Variants in STK4 observed in about 807,000 individuals in gnomAD.
STK4 encodes serine/threonine kinase 4, also known as serine/threonine-protein kinase 4.
A neutral mutation model predicts 64.9 loss-of-function variants in STK4; 30 were observed. That is an observed-to-expected ratio of 0.46 (90% CI 0.35 to 0.63). The LOEUF (loss-of-function observed/expected upper bound fraction) is 0.63. Ranked by LOEUF, STK4 falls within the 20% of genes least tolerant of loss-of-function variation. STK4 has a pLI of 0.01. For synonymous variants in STK4, 177 were observed against 199.0 expected, an observed-to-expected ratio of 0.89 and a Z score of 0.93; for missense variants, 466 against 598.5, an observed-to-expected ratio of 0.78 and a Z score of 2.31.
chr20:44,986,619 G>A (rs2067534502), intron 4 of STK4, among the ~76,000 whole-genome samples: 1 of 152,204 alleles, frequency 6.6e-6, no homozygotes, highest in African/African-American at 2.4e-5. Context: ...AAGAGCAGAA[G>A]CAAAGAAGCC....
chr20:45,017,956 C>G (rs2068174168), intron 9 of STK4, among the ~76,000 whole-genome samples: 1 of 152,154 alleles, frequency 6.6e-6, no homozygotes. Context: ...CTTATGATTC[C>G]AGCAATTCTT....
chr20:44,976,769 G>A (rs139350070), intron 2 of STK4, among the ~76,000 whole-genome samples: 1 of 152,306 alleles, frequency 6.6e-6, no homozygotes, highest in East Asian at 1.9e-4. Flanking sequence ...TACATCTGGG[G>A]GTGTGAGATT....
At chr20:45,066,866 A>G (rs1019927564) in intron 10 of STK4, among the ~76,000 whole-genome samples, 1 of 152,206 alleles carries the variant, frequency 6.6e-6, no homozygotes, top group African/African-American at 2.4e-5. Flanking sequence ...TTTAAGGAGC[A>G]AGATCTTTTG....
At chr20:45,065,971 T>C (rs1383047602) in intron 10 of STK4, among the ~76,000 whole-genome samples, 1 of 152,072 alleles carries the variant, frequency 6.6e-6, no homozygotes, top group African/African-American at 2.4e-5. Flanking sequence ...TAACCCTTAT[T>C]TTACTTAATA....
chr20:45,025,146 A>G lies in STK4; in HGVS notation c.1305+16A>G, dbSNP rs754062021. On this transcript the variant is annotated intron_variant, in intron 10 of 10. Coordinates refer to ENST00000372806, the MANE Select transcript of STK4 (RefSeq NM_006282.5). ...CTACGAGTTTGTAAGTAGTGTTGGAAGTAAATGGTTATGTCTTCAGGGGAA... is the reference window on the plus strand; with the variant it reads ...CTACGAGTTTGTAAGTAGTGTTGGAGGTAAATGGTTATGTCTTCAGGGGAA... 1.3e-6 allele frequency: 2 copies of G among 1,598,706 alleles called. No homozygotes were observed. Among genetic ancestry groups the G allele is most frequent in the East Asian group, 4.5e-5 (2 of 44,598 alleles).
rs955168414 is a variant in STK4, at chr20:45,026,960, G to A, written c.1305+1830G>A. Among the ~76,000 whole-genome samples the A allele has an allele frequency of 2.0e-5, 3 of 152,242 alleles. No individual in the cohort carries two copies. In the South Asian group the frequency reaches 6.2e-4, roughly 32 times the overall value. Reference sequence around the variant, plus strand: ...ATTGTGCGTCTGTTCCATGTTGCCTGTATAGTTGTCTTCAACATGTGTATA... The same window carrying A: ...ATTGTGCGTCTGTTCCATGTTGCCTATATAGTTGTCTTCAACATGTGTATA... On this transcript the variant is annotated intron_variant, in intron 10 of 10. Transcript: ENST00000372806.
At chr20:45,011,220 A>G (rs114640953) in intron 9 of STK4, among the ~76,000 whole-genome samples, 9 of 152,240 alleles carry the variant, frequency 5.9e-5, no homozygotes, top group Non-Finnish European at 1.2e-4. Context: ...TTGAAGTGAC[A>G]TGAGAGGGTC....
In STK4 at chr20:45,059,756, T is replaced by C. The variant is rs144774615; in HGVS notation, c.1306-15262T>C. Among the ~76,000 whole-genome samples the C allele has an allele frequency of 3.0e-3, 461 of 152,334 alleles. 2 individuals carry two copies. Among genetic ancestry groups the C allele is most frequent in the African/African-American group, 0.011 (439 of 41,580 alleles). On this transcript the variant is annotated intron_variant, in intron 10 of 10. Coordinates refer to ENST00000372806, the MANE Select transcript of STK4 (RefSeq NM_006282.5). ...TAGAATTTTTCTTAAAGAGCAATCA[T>C]AAGCAACCAGGACTAGAGAATTTTT...
At chr20:45,018,246 A>C (rs879417216) in intron 9 of STK4, among the ~76,000 whole-genome samples, 2 of 152,136 alleles carry the variant, frequency 1.3e-5, no homozygotes, top group African/African-American at 4.8e-5. Flanking sequence ...GCAAACATTC[A>C]TGCATGAAAC....
chr20:45,009,329 G>A (rs2068004702), intron 9 of STK4, among the ~76,000 whole-genome samples: 1 of 152,018 alleles, frequency 6.6e-6, no homozygotes, highest in African/African-American at 2.4e-5. Flanking sequence ...TGGCCTTGTC[G>A]AAGATTAGCT....
chr20:44,981,975 C>T, intron 4 of STK4, 32 bp downstream of exon 4: 1 of 1,465,740 alleles, frequency 6.8e-7, no homozygotes, highest in Non-Finnish European at 9.6e-7. Context: ...TGCAACTGAG[C>T]TAGTTTCTTA....
At chr20:44,994,987 C>T in intron 5 of STK4, 103 bp from the exon 6 acceptor site, 1 of 1,019,448 alleles carries the variant, frequency 9.8e-7, no homozygotes, top group East Asian at 2.9e-5. Flanking sequence ...CTCTTTTTCT[C>T]AGTAGTTTTT....
intron 10 of STK4, among the ~76,000 whole-genome samples, chr20:45,066,391 T>G (rs891513099): frequency 2.6e-5 from 4 of 152,238 alleles, no homozygotes; most frequent in African/African-American, 9.6e-5. Context: ...TGTTTGCCAT[T>G]TATTAAATCA....
chr20:45,025,592 A>T (rs562970348), intron 10 of STK4, among the ~76,000 whole-genome samples: 1 of 152,142 alleles, frequency 6.6e-6, no homozygotes, highest in South Asian at 2.1e-4. Context: ...TTCCAGTTTC[A>T]TATGAAAAAC....
At chr20:45,012,538 G>A (rs560982359) in intron 9 of STK4, among the ~76,000 whole-genome samples, 127 of 152,240 alleles carry the variant, frequency 8.3e-4, no homozygotes, top group Non-Finnish European at 1.6e-3. Context: ...TACCAACAAA[G>A]ATGTTTTAGA....
chr20:45,026,318 A>AGTGTGTGTGTGTGTGTGTGT (rs113148879), intron 10 of STK4, among the ~76,000 whole-genome samples: 1 of 145,688 alleles, frequency 6.9e-6, no homozygotes, highest in African/African-American at 2.5e-5. Context: ...AGACAGAAAG[A>AGTGTGTGTGTGTGTGTGTGT]GTGTGTGTGT....
intron 10 of STK4, among the ~76,000 whole-genome samples, chr20:45,035,369 A>C (rs556342550): frequency 2.0e-5 from 3 of 152,256 alleles, no homozygotes; most frequent in African/African-American, 4.8e-5. Flanking sequence ...TTCTGGTTTT[A>C]GTCTAAATAA....
chr20:44,984,404 G>A (rs1369706477), intron 4 of STK4, among the ~76,000 whole-genome samples: 3 of 151,866 alleles, frequency 2.0e-5, no homozygotes, highest in African/African-American at 4.8e-5. Flanking sequence ...TGGTTTCACC[G>A]TGTTAGCCAG....
chr20:44,986,160 T>C (rs1488472735), intron 4 of STK4, among the ~76,000 whole-genome samples: 1 of 152,186 alleles, frequency 6.6e-6, no homozygotes, highest in Non-Finnish European at 1.5e-5. Flanking sequence ...AGGGATGATA[T>C]CACATACATA....
Sources: allele counts gnomAD v4.1 joint callset (sites outside exome capture counted in the v4.1 genomes callset), GRCh38; gene constraint gnomAD v4.1.1; transcripts MANE v1.5; gene names NCBI Gene and HGNC (gene_info 2026-07-23, HGNC 2026-07-21).